CDH18: variants seen among roughly 807,000 people sequenced by gnomAD.
CDH18 encodes cadherin 18.
A neutral mutation model predicts 67.9 loss-of-function variants in CDH18; 31 were observed. The ratio of observed to expected loss-of-function variants is 0.46; its 90% CI spans 0.34 to 0.62. CDH18 has a LOEUF of 0.62. Among genes scored for constraint, CDH18 ranks in the 20% least tolerant of loss-of-function variants. The pLI, the probability that CDH18 is intolerant of heterozygous loss-of-function variation, is 0.01. For synonymous variants in CDH18, 362 were observed against 347.2 expected (o/e 1.04, Z -0.48); for missense variants, 890 against 975.5 (o/e 0.91, Z 1.17).
chr5:20,018,196 C>A (rs1015455391), intron 2 of CDH18, among the ~76,000 whole-genome samples: 3 of 152,150 alleles, frequency 2.0e-5, no homozygotes, highest in Non-Finnish European at 4.4e-5. Context: ...GTCACACAGA[C>A]CTGGGCCCAT....
intron 2 of CDH18, among the ~76,000 whole-genome samples, chr5:20,048,180 A>G (rs1287997148): frequency 6.6e-6 from 1 of 151,698 alleles, no homozygotes; most frequent in Non-Finnish European, 1.5e-5. Context: ...AATATAATAT[A>G]AATCTATATT....
At chr5:19,554,112 G>T (rs1737953161) in intron 8 of CDH18, among the ~76,000 whole-genome samples, 1 of 152,040 alleles carries the variant, frequency 6.6e-6, no homozygotes, top group African/African-American at 2.4e-5. Context: ...AGTGAGTATT[G>T]TGCTTATGTG....
At chr5:20,185,258 TC>T (rs1298938247) in intron 2 of CDH18, among the ~76,000 whole-genome samples, 2 of 152,022 alleles carry the variant, frequency 1.3e-5, no homozygotes, top group African/African-American at 4.8e-5. Flanking sequence ...GCCAACATCT[TC>T]ATCCACAGTC....
At chr5:20,503,970 G>A (rs761614614) in intron 1 of CDH18, among the ~76,000 whole-genome samples, 3 of 151,788 alleles carry the variant, frequency 2.0e-5, no homozygotes, top group East Asian at 1.9e-4. Flanking sequence ...CCCGAGAGGC[G>A]GAGGTTGCAG....
chr5:19,924,323 AT>A (rs1317538858), intron 2 of CDH18, among the ~76,000 whole-genome samples: 2 of 151,766 alleles, frequency 1.3e-5, no homozygotes, highest in Non-Finnish European at 2.9e-5. Flanking sequence ...ATTACTTTTT[AT>A]TTTTCTTTAG....
At chr5:20,011,857 T>A (rs1448834510) in intron 2 of CDH18, among the ~76,000 whole-genome samples, 1 of 152,122 alleles carries the variant, frequency 6.6e-6, no homozygotes, top group East Asian at 1.9e-4. Context: ...TTGTCAGTAT[T>A]TTTGCATCAA....
Position 19,780,150 on chromosome 5 carries a change from A to G in CDH18, c.229-32914T>C, listed in dbSNP as rs115583191. ...AGCTCCATCCACAGAAGAGTGCATA[A>G]CTTCAACTGAAGTCATTCATGTCTT... On this transcript the variant is annotated intron_variant, in intron 3 of 12. Transcript: ENST00000382275. 8.5e-4 allele frequency among the ~76,000 whole-genome samples: 129 copies of G among 152,186 alleles called. 1 individual carries two copies. The highest frequency in any genetic ancestry group is 2.6e-3 in the African/African-American group (106 of 41,552).
intron 2 of CDH18, among the ~76,000 whole-genome samples, chr5:19,853,855 G>T (rs528920205): frequency 6.6e-6 from 1 of 152,210 alleles, no homozygotes; most frequent in Non-Finnish European, 1.5e-5. Context: ...TAAACCAACT[G>T]ATCTGGACAA....
At chr5:19,484,797 T>G (rs1740095199) in intron 11 of CDH18, among the ~76,000 whole-genome samples, 1 of 152,184 alleles carries the variant, frequency 6.6e-6, no homozygotes, top group Non-Finnish European at 1.5e-5. Flanking sequence ...TCCTGTGATC[T>G]ACAGATGTTG....
intron 1 of CDH18, among the ~76,000 whole-genome samples, chr5:20,278,434 TA>T (rs2126688088): frequency 6.6e-6 from 1 of 151,300 alleles, no homozygotes; most frequent in Admixed American, 6.6e-5. Context: ...ACATAAAAAA[TA>T]AATACAATCT....
At chr5:19,657,814 G>A (rs914446577) in intron 5 of CDH18, among the ~76,000 whole-genome samples, 2 of 152,116 alleles carry the variant, frequency 1.3e-5, no homozygotes, top group Admixed American at 1.3e-4. Context: ...TGGACTAGGT[G>A]AGGAATAGTA....
chr5:20,358,965 T>C (rs1741862063), intron 1 of CDH18, among the ~76,000 whole-genome samples: 1 of 145,404 alleles, frequency 6.9e-6, no homozygotes, highest in Non-Finnish European at 1.5e-5. Context: ...GGAGTTTCAC[T>C]CTTGTTGCCC....
chr5:20,371,130 G>A (rs187878915), intron 1 of CDH18, among the ~76,000 whole-genome samples: 73 of 152,182 alleles, frequency 4.8e-4, no homozygotes, highest in Admixed American at 1.2e-3. Context: ...TTGGCACTCT[G>A]GAGAGGGGAA....
At chr5:20,362,787 G>A (rs1264867981) in intron 1 of CDH18, among the ~76,000 whole-genome samples, 6 of 152,044 alleles carry the variant, frequency 3.9e-5, no homozygotes, top group South Asian at 4.1e-4. Flanking sequence ...CCTTTAGCCC[G>A]TAATATTTTC....
At chr5:19,524,811 T>C (rs1478691616) in intron 9 of CDH18, among the ~76,000 whole-genome samples, 1 of 152,120 alleles carries the variant, frequency 6.6e-6, no homozygotes, top group Non-Finnish European at 1.5e-5. Context: ...AGTGGCGCGA[T>C]CTCCGCTCAC....
At chr5:20,015,150 G>A (rs1217244327) in intron 2 of CDH18, among the ~76,000 whole-genome samples, 1 of 152,148 alleles carries the variant, frequency 6.6e-6, no homozygotes, top group Non-Finnish European at 1.5e-5. Context: ...GTGCCATGTT[G>A]ATTACAAACC....
intron 2 of CDH18, among the ~76,000 whole-genome samples, chr5:20,077,546 A>G (rs1257473600): frequency 1.3e-5 from 2 of 152,206 alleles, no homozygotes; most frequent in African/African-American, 2.4e-5. Flanking sequence ...TCCAGACATG[A>G]AAGAGTACAT....
At chr5:20,369,473 C>T (rs1049842568) in intron 1 of CDH18, among the ~76,000 whole-genome samples, 4 of 152,168 alleles carry the variant, frequency 2.6e-5, no homozygotes, top group Non-Finnish European at 4.4e-5. Context: ...TCAGAAAATG[C>T]TCGCTTTCAA....
chr5:20,007,745 T>C (rs1737036923), intron 2 of CDH18, among the ~76,000 whole-genome samples: 1 of 150,940 alleles, frequency 6.6e-6, no homozygotes, highest in African/African-American at 2.4e-5. Context: ...CCACTTGTTT[T>C]TGTATGGTAT....
Sources: gnomAD v4.1 joint callset for allele counts (sites outside exome capture counted in the v4.1 genomes callset) on GRCh38, gnomAD v4.1.1 for gene constraint, MANE v1.5 for transcripts, NCBI Gene and HGNC (gene_info 2026-07-23, HGNC 2026-07-21) for gene names.